The following GLIS3 variants were observed in gnomAD, a reference collection of about 807,000 sequenced individuals.
GLIS3 encodes the protein GLIS family zinc finger 3.
Under a neutral mutation model 78.6 loss-of-function variants are expected in GLIS3, and 53 were observed. The ratio of observed to expected loss-of-function variants is 0.67; its 90% CI spans 0.54 to 0.85. The LOEUF is 0.85. GLIS3 is among the 40% of genes least tolerant of loss of function. GLIS3 has a pLI of 0.00. For synonymous variants in GLIS3, 684 were observed against 509.9 expected (o/e 1.34, Z -4.60); for missense variants, 1,703 against 1,231.1 (o/e 1.38, Z -5.74).
intron 2 of GLIS3, among the ~76,000 whole-genome samples, chr9:4,157,383 T>C (rs1835117692): frequency 6.6e-6 from 1 of 152,190 alleles, no homozygotes; most frequent in Non-Finnish European, 1.5e-5. Flanking sequence ...GGCACGATTT[T>C]GCATGTAGTT....
chr9:4,249,361 G>A (rs1263384143), intron 2 of GLIS3, among the ~76,000 whole-genome samples: 2 of 151,988 alleles, frequency 1.3e-5, no homozygotes, highest in African/African-American at 4.8e-5. Context: ...TGGATTCCTA[G>A]GTATTTTATC....
At chr9:4,170,134 A>C (rs1347772595) in intron 2 of GLIS3, among the ~76,000 whole-genome samples, 9 of 152,208 alleles carry the variant, frequency 5.9e-5, no homozygotes, top group Non-Finnish European at 1.3e-4. Flanking sequence ...AAAAAGGCTG[A>C]AGTGATAAAA....
the GLIS3 span, among the ~76,000 whole-genome samples, chr9:4,401,969 G>C: frequency 3.9e-5 from 6 of 152,246 alleles, no homozygotes; most frequent in Non-Finnish European, 7.4e-5. Context: ...CTTAGCTATA[G>C]TAGAATAGAA....
intron 2 of GLIS3, among the ~76,000 whole-genome samples, chr9:4,195,555 G>C (rs531986363): frequency 6.6e-6 from 1 of 152,240 alleles, no homozygotes; most frequent in African/African-American, 2.4e-5. Flanking sequence ...CTCGGGACCT[G>C]CAGCCCGCCA....
the GLIS3 span, among the ~76,000 whole-genome samples, chr9:4,418,751 G>T: frequency 6.6e-6 from 1 of 152,120 alleles, no homozygotes; most frequent in Non-Finnish European, 1.5e-5. Context: ...TCCAGAATTG[G>T]AGGGAGGAAA....
the GLIS3 span, among the ~76,000 whole-genome samples, chr9:4,400,309 C>A: frequency 6.6e-6 from 1 of 152,112 alleles, no homozygotes; most frequent in African/African-American, 2.4e-5. Context: ...ATGATGGTGA[C>A]CTGAACTGGG....
At chr9:4,124,948 G>T (rs530148296) in intron 3 of GLIS3, among the ~76,000 whole-genome samples, 1 of 152,310 alleles carries the variant, frequency 6.6e-6, no homozygotes, top group African/African-American at 2.4e-5. Context: ...CATAGACACA[G>T]ACCTTAAACA....
intron 4 of GLIS3, among the ~76,000 whole-genome samples, chr9:3,987,784 A>AC (rs60975551): frequency 0.23 from 16,129 of 69,518 alleles, 3,890 homozygotes; most frequent in East Asian, 0.29. Flanking sequence ...AAAAAAAAAA[A>AC]AAAACAAAAC....
chr9:4,431,338 G>A, the GLIS3 span, among the ~76,000 whole-genome samples: 1 of 152,224 alleles, frequency 6.6e-6, no homozygotes, highest in Non-Finnish European at 1.5e-5. Flanking sequence ...TATTAGTGAA[G>A]CCAGGCTACC....
intron 2 of GLIS3, among the ~76,000 whole-genome samples, chr9:4,259,170 AC>A (rs541220609): frequency 6.6e-6 from 1 of 152,272 alleles, no homozygotes; most frequent in African/African-American, 2.4e-5. Context: ...AGACTCAGAA[AC>A]CTAGAAACTG....
chr9:3,929,102 C>T (rs1187394843), intron 6 of GLIS3, among the ~76,000 whole-genome samples: 1 of 152,168 alleles, frequency 6.6e-6, no homozygotes, highest in Non-Finnish European at 1.5e-5. Context: ...GCCCTTTGCT[C>T]TATAGGCGAA....
intron 2 of GLIS3, among the ~76,000 whole-genome samples, chr9:4,132,035 G>C (rs1477294474): frequency 6.7e-6 from 1 of 148,744 alleles, no homozygotes; most frequent in African/African-American, 2.5e-5. Context: ...TTAAGTCTAC[G>C]GCCAATGTTT....
chr9:4,244,569 A>C (rs1022619202), intron 2 of GLIS3, among the ~76,000 whole-genome samples: 10 of 152,034 alleles, frequency 6.6e-5, no homozygotes, highest in African/African-American at 2.4e-4. Context: ...TAAAGATCTC[A>C]AGGAATTTTT....
intron 2 of GLIS3, among the ~76,000 whole-genome samples, chr9:4,241,603 T>A (rs956360985): frequency 6.6e-6 from 1 of 152,224 alleles, no homozygotes; most frequent in Non-Finnish European, 1.5e-5. Flanking sequence ...GTACAGCTAT[T>A]ATCAATTTTT....
At chr9:3,983,936 G>A (rs1819518056) in intron 4 of GLIS3, among the ~76,000 whole-genome samples, 1 of 152,224 alleles carries the variant, frequency 6.6e-6, no homozygotes, top group South Asian at 2.1e-4. Flanking sequence ...CATAAATAAT[G>A]AAGAGTCAAA....
chr9:3,945,705 CTA>C (rs2130823766), intron 4 of GLIS3, among the ~76,000 whole-genome samples: 1 of 152,274 alleles, frequency 6.6e-6, no homozygotes, highest in African/African-American at 2.4e-5. Context: ...GAAACATTCT[CTA>C]TGACTTTAGT....
intron 2 of GLIS3, among the ~76,000 whole-genome samples, chr9:4,255,777 T>C (rs1161120496): frequency 2.6e-5 from 4 of 152,064 alleles, no homozygotes; most frequent in Non-Finnish European, 5.9e-5. Flanking sequence ...TATTACACTA[T>C]AATACTAGAT....
chr9:4,119,506 A>T (rs1420506088), intron 3 of GLIS3, among the ~76,000 whole-genome samples: 2 of 152,228 alleles, frequency 1.3e-5, no homozygotes, highest in African/African-American at 4.8e-5. Context: ...AGTTACATCA[A>T]ATCACCCCAG....
At position 4,049,955 on chromosome 9, in the gene GLIS3, C is replaced by T. The variant is rs559439646; in HGVS notation, c.1710+67813G>A. On this transcript the variant is annotated intron_variant, in intron 4 of 10. Transcript: ENST00000381971. ...TTAAAAAGTCAGAAAACAACAGGTG[C>T]TGGAGAGGATGTGGAGAAATAGGAA... Among the ~76,000 whole-genome samples the T allele has an allele frequency of 1.9e-3, 290 of 152,010 alleles. 1 individual carries two copies. Among genetic ancestry groups the T allele is most frequent in the Non-Finnish European group, 3.3e-3 (221 of 67,920 alleles).
Sources: gnomAD v4.1 joint callset for allele counts (sites outside exome capture counted in the v4.1 genomes callset) on GRCh38, gnomAD v4.1.1 for gene constraint, MANE v1.5 for transcripts, NCBI Gene and HGNC (gene_info 2026-07-23, HGNC 2026-07-21) for gene names.